FKBP3: variants seen among roughly 807,000 people sequenced by gnomAD.
FKBP3 encodes FKBP prolyl isomerase 3.
FKBP3 carries 21 observed loss-of-function variants against 30.6 expected under a neutral mutation model. That is an observed-to-expected ratio of 0.69 (90% CI 0.49 to 0.99). The LOEUF (loss-of-function observed/expected upper bound fraction) is 0.99. Among genes scored for constraint, FKBP3 ranks in the 50% least tolerant of loss-of-function variants. The pLI is 0.00. For missense variants in FKBP3, 283 were observed against 261.6 expected (o/e 1.08, Z -0.56); for synonymous variants, 82 against 91.3 (o/e 0.90, Z 0.58).
At chr14:45,121,904 G>A (rs1884993590) in intron 3 of FKBP3, among the ~76,000 whole-genome samples, 1 of 151,986 alleles carries the variant, frequency 6.6e-6, no homozygotes, top group African/African-American at 2.4e-5. Flanking sequence ...CATGATTTCA[G>A]TTATTTCCTA....
chr14:45,128,727 G>A (rs1469986025), intron 3 of FKBP3, among the ~76,000 whole-genome samples: 5 of 152,196 alleles, frequency 3.3e-5, no homozygotes, highest in African/African-American at 1.2e-4. Flanking sequence ...ATAGAGTTTA[G>A]GACCCTCATA....
Position 45,121,619 on chromosome 14 carries a change from C to T in FKBP3, c.320G>A (p.Gly107Asp). The T allele has an allele frequency of 1.9e-6, 3 of 1,611,208 alleles. No individual in the cohort carries two copies. The highest frequency in any genetic ancestry group is 2.5e-6 in the Non-Finnish European group (3 of 1,179,050). ...AACAGATTTAGTATATTTTGGTGGA[C>T]CCTAAAAACAAAAAACAACACACAC... ...ETKSEETLDEGPPKYTKSVLK... is the reference protein window; with the variant it reads ...ETKSEETLDEDPPKYTKSVLK... The change falls in exon 4 of 7, where the codon GGT (glycine) becomes GAT (aspartate). Residue 107 changes from glycine (G) to aspartate (D), a missense_variant and splice_region_variant. By Grantham distance (94) the Gly-to-Asp change is moderately conservative (BLOSUM62 -1). Transcript: ENST00000396062.
At chr14:45,127,535 G>A (rs1885127659) in intron 3 of FKBP3, among the ~76,000 whole-genome samples, 1 of 152,028 alleles carries the variant, frequency 6.6e-6, no homozygotes, top group Non-Finnish European at 1.5e-5. Context: ...AAAAAATACT[G>A]AGATATTTTA....
chr14:45,123,941 G>A lies in FKBP3; in HGVS notation c.319-2321C>T, dbSNP rs569372879. Among the ~76,000 whole-genome samples the A allele has an allele frequency of 2.6e-4, 39 of 151,924 alleles. 1 individual carries two copies. Among genetic ancestry groups the A allele is most frequent in the Non-Finnish European group, 2.9e-5 (2 of 67,930 alleles). ...CCCCCTCATTCTTTTAAAAGGCCCA[G>A]TTACCCCTCCACAAATCAGACTGGA... On this transcript the variant is annotated intron_variant, in intron 3 of 6. Coordinates refer to ENST00000396062, the MANE Select transcript of FKBP3 (RefSeq NM_002013.4).
chr14:45,125,314 T>C (rs1353423798), intron 3 of FKBP3, among the ~76,000 whole-genome samples: 3 of 152,326 alleles, frequency 2.0e-5, no homozygotes, highest in Non-Finnish European at 2.9e-5. Context: ...AAAGTTACTA[T>C]AGTAGTTTAG....
intron 3 of FKBP3, among the ~76,000 whole-genome samples, chr14:45,124,635 A>G (rs1885059258): frequency 1.3e-5 from 2 of 151,782 alleles, no homozygotes; most frequent in South Asian, 4.2e-4. Flanking sequence ...ATACTGAGAT[A>G]TTTTACAGTA....
At position 45,116,105 on chromosome 14, in the gene FKBP3, C is replaced by A; in HGVS notation, c.*93G>T. Reference sequence around the variant, plus strand: ...AATTTTCCAGTTGACTCTTCCTTTACAATAGTAACAAGTTCTAACTAGTTG... The same window carrying A: ...AATTTTCCAGTTGACTCTTCCTTTAAAATAGTAACAAGTTCTAACTAGTTG... On this transcript the variant is annotated 3_prime_UTR_variant, in exon 7 of 7. Coordinates refer to ENST00000396062, the MANE Select transcript of FKBP3 (RefSeq NM_002013.4). The A allele has an allele frequency of 1.1e-6, 1 of 879,026 alleles. No individual in the cohort carries two copies. The allele number at this position is 879,026 out of a possible 1,614,324, so 54.5% of individuals were successfully genotyped here. A position where few individuals can be genotyped will look rare whatever the true frequency, so the allele number is the denominator to read the frequency against.
chr14:45,130,727 G>A lies in FKBP3; in HGVS notation c.182C>T (p.Thr61Ile), dbSNP rs1228345015. 2 of 1,607,614 alleles carry A rather than the reference G, an allele frequency of 1.2e-6. No homozygotes were observed. Among genetic ancestry groups the A allele is most frequent in the Non-Finnish European group, 1.7e-6 (2 of 1,176,240 alleles). ...AGTTTCAAAAAGATGGTTATAGGCT[G>A]TAACCAAGTGGTCCTTGTTAGCTGT... ...AKTANKDHLV[T>I]AYNHLFETKR... The change falls in exon 2 of 7, where the codon ACA becomes ATA. Residue 61 changes from threonine (T) to isoleucine (I), a missense_variant. By Grantham distance (89) the Thr-to-Ile change is moderately conservative. Coordinates refer to ENST00000396062, the MANE Select transcript of FKBP3 (RefSeq NM_002013.4).
intron 1 of FKBP3, among the ~76,000 whole-genome samples, chr14:45,131,628 C>CA (rs536298530): frequency 0.067 from 2,559 of 38,438 alleles, 110 homozygotes; most frequent in East Asian, 0.12. Flanking sequence ...GACTCTGTCT[C>CA]AAAAAAAAAA....
intron 5 of FKBP3, among the ~76,000 whole-genome samples, 164 bp downstream of exon 5, chr14:45,120,723 C>A (rs750552782): frequency 1.3e-5 from 2 of 152,090 alleles, no homozygotes; most frequent in Non-Finnish European, 2.9e-5. Context: ...AAACTGAGAC[C>A]GAGATAACTT....
intron 1 of FKBP3, 64 bp from the exon 2 acceptor site, chr14:45,130,864 A>C: frequency 1.1e-6 from 1 of 894,948 alleles, no homozygotes; most frequent in Non-Finnish European, 1.8e-6. Flanking sequence ...CTAAAATTAG[A>C]AAACGATCCT....
intron 1 of FKBP3, 144 bp downstream of exon 1, chr14:45,134,205 A>G: frequency 1.5e-6 from 1 of 680,308 alleles, no homozygotes; most frequent in Non-Finnish European, 2.6e-6. Flanking sequence ...CCAAAGCACA[A>G]GCTGGGCCTC....
At chr14:45,134,288 C>T in intron 1 of FKBP3, 61 bp downstream of exon 1, 1 of 1,337,384 alleles carries the variant, frequency 7.5e-7, no homozygotes, top group Non-Finnish European at 1.1e-6. Flanking sequence ...GTATGGGCAT[C>T]TCCAGGGGGG....
At chr14:45,129,934 G>A (rs756536964) in intron 2 of FKBP3, 33 bp from the exon 3 acceptor site, 8 of 1,435,292 alleles carry the variant, frequency 5.6e-6, no homozygotes, top group Non-Finnish European at 7.7e-6. Context: ...TCATACCCAG[G>A]ACAGGCTAAA....
rs749386203 is a variant in FKBP3 at position 45,120,889 on chromosome 14, C to G, written c.520G>C (p.Gly174Arg). The G allele has an allele frequency of 1.9e-6, 3 of 1,611,994 alleles. No homozygotes were observed. Among genetic ancestry groups the G allele is most frequent in the South Asian group, 1.1e-5 (1 of 91,040 alleles). ...FKVGVGKVIR[G>R]WDEALLTMSK... ...ATTCATTGGCATTCTTTACTTACTC[C>G]TCTGATAACTTTGCCTACTCCGACC... Residue 174 changes from glycine (G) to arginine (R), a missense_variant and splice_region_variant, in exon 5 of 7, where the codon GGA (glycine) becomes CGA (arginine). Physicochemically the swap from Gly to Arg is moderately radical, Grantham distance 125. Transcript: ENST00000396062.
chr14:45,133,911 T>C (rs1338039631), intron 1 of FKBP3, among the ~76,000 whole-genome samples: 1 of 152,196 alleles, frequency 6.6e-6, no homozygotes, highest in Non-Finnish European at 1.5e-5. Flanking sequence ...TTTAGTAAAC[T>C]GTTGAGAAAA....
intron 1 of FKBP3, among the ~76,000 whole-genome samples, 157 bp downstream of exon 1, chr14:45,134,192 G>A (rs1453651356): frequency 1.3e-5 from 2 of 152,214 alleles, no homozygotes; most frequent in African/African-American, 2.4e-5. Context: ...CGGGAGCGAG[G>A]CACCAAAGCA....
intron 3 of FKBP3, among the ~76,000 whole-genome samples, chr14:45,129,130 C>T (rs1885162195): frequency 2.6e-5 from 4 of 152,204 alleles, no homozygotes; most frequent in African/African-American, 9.7e-5. Context: ...TCAATAGCCT[C>T]ACCTCTTTAC....
chr14:45,133,025 G>C (rs901913466), intron 1 of FKBP3, among the ~76,000 whole-genome samples: 2 of 152,200 alleles, frequency 1.3e-5, no homozygotes, highest in African/African-American at 2.4e-5. Context: ...ACTGAGAATA[G>C]TTCTTGTTAC....
Sources: allele counts gnomAD v4.1 joint callset (sites outside exome capture counted in the v4.1 genomes callset), GRCh38; gene constraint gnomAD v4.1.1; transcripts MANE v1.5; gene names NCBI Gene and HGNC (gene_info 2026-07-23, HGNC 2026-07-21).